Variants in SYNE1 observed in about 807,000 individuals in gnomAD.
The protein encoded by SYNE1 is spectrin repeat containing nuclear envelope protein 1.
In SYNE1, 616 loss-of-function variants were observed where a neutral mutation model predicts 1,111.0. The observed-to-expected ratio is 0.55, with a 90% CI of 0.52 to 0.59. SYNE1 has a LOEUF of 0.59. Among genes scored for constraint, SYNE1 ranks in the 20% least tolerant of loss-of-function variants. SYNE1 has a pLI of 0.00. For missense variants in SYNE1, 10,006 were observed against 10,417.0 expected (o/e 0.96, Z 1.72); for synonymous variants, 3,855 against 3,825.8 (o/e 1.01, Z -0.28).
chr6:152,372,026 T>C (rs2097200032), intron 59 of SYNE1, among the ~76,000 whole-genome samples: 1 of 152,062 alleles, frequency 6.6e-6, no homozygotes, highest in East Asian at 1.9e-4. Flanking sequence ...TAGATACCTA[T>C]TCTGAGGGGA....
chr6:152,233,913 C>G lies in SYNE1; in HGVS notation c.20580G>C (p.Leu6860=), dbSNP rs188203038. 15 of 1,614,170 alleles carry G rather than the reference C, an allele frequency of 9.3e-6. No homozygotes were observed. Among genetic ancestry groups the G allele is most frequent in the Non-Finnish European group, 1.3e-5 (15 of 1,180,028 alleles). The change falls in exon 112 of 146, where the codon CTG becomes CTC. Residue 6860 remains leucine (L), a synonymous_variant. Coordinates refer to ENST00000367255, the MANE Select transcript of SYNE1 (RefSeq NM_182961.4). ...DAQSSLKSSV[L]STGNQLLRLK... ...GTCGAAGGAGCTGATTTCCAGTACT[C>G]AGAACAGATGATTTCAGGGAAGATT...
At chr6:152,285,267 T>C (rs1177754466) in intron 95 of SYNE1, among the ~76,000 whole-genome samples, 1 of 152,104 alleles carries the variant, frequency 6.6e-6, no homozygotes, top group African/African-American at 2.4e-5. Context: ...CTCAAAAATA[T>C]ATCTTGTATA....
At chr6:152,481,356 A>C (rs562997283) in intron 14 of SYNE1, among the ~76,000 whole-genome samples, 1 of 152,318 alleles carries the variant, frequency 6.6e-6, no homozygotes, top group African/African-American at 2.4e-5. Context: ...CTATTTGCTG[A>C]ATTAACGTAT....
At chr6:152,155,847 G>T (rs1586404850) in intron 132 of SYNE1, 63 bp downstream of exon 132, 3 of 1,590,514 alleles carry the variant, frequency 1.9e-6, no homozygotes, top group African/African-American at 1.3e-5. Context: ...TGGATACTCT[G>T]GGTGATTTTT....
At chr6:152,376,278 G>A in intron 58 of SYNE1, 103 bp downstream of exon 58, 4 of 1,289,680 alleles carry the variant, frequency 3.1e-6, no homozygotes, top group Non-Finnish European at 4.5e-6. Context: ...ACAGGCCAGG[G>A]ACCTGTACCA....
intron 5 of SYNE1, among the ~76,000 whole-genome samples, chr6:152,523,692 T>G (rs2099151194): frequency 6.6e-6 from 1 of 152,174 alleles, no homozygotes; most frequent in South Asian, 2.1e-4. Flanking sequence ...GAGTATGAGA[T>G]GTGTTTCCAT....
chr6:152,288,077 T>C (rs1381173276), intron 95 of SYNE1, among the ~76,000 whole-genome samples: 1 of 152,144 alleles, frequency 6.6e-6, no homozygotes, highest in Admixed American at 6.5e-5. Flanking sequence ...CTATATTTGG[T>C]TTGATTTTAA....
chr6:152,255,806 A>G (rs2090668325), intron 102 of SYNE1, 60 bp from the exon 103 acceptor site: 1 of 1,590,704 alleles, frequency 6.3e-7, no homozygotes, highest in South Asian at 1.1e-5. Flanking sequence ...TCCAGGAAAA[A>G]TATCAGGATG....
intron 127 of SYNE1, among the ~76,000 whole-genome samples, chr6:152,192,415 T>A (rs2072750383): frequency 6.7e-6 from 1 of 150,116 alleles, no homozygotes; most frequent in Non-Finnish European, 1.5e-5. Context: ...TTGCTTTATA[T>A]ACCTGGATAC....
chr6:152,327,408 C>A (rs1205145016), intron 78 of SYNE1, among the ~76,000 whole-genome samples: 2 of 151,966 alleles, frequency 1.3e-5, no homozygotes, highest in Non-Finnish European at 2.9e-5. Context: ...GAAATAGTAA[C>A]CTGTGAGTCT....
chr6:152,594,810 C>A (rs575148287), intron 3 of SYNE1, among the ~76,000 whole-genome samples: 7 of 152,136 alleles, frequency 4.6e-5, no homozygotes, highest in African/African-American at 1.7e-4. Flanking sequence ...CTTTCATCCT[C>A]ATGATTTTAA....
intron 145 of SYNE1, among the ~76,000 whole-genome samples, chr6:152,129,954 G>C (rs1322402674): frequency 6.6e-6 from 1 of 152,206 alleles, no homozygotes; most frequent in Admixed American, 6.5e-5. Flanking sequence ...TGGAGGAGCA[G>C]AGGAGCACAG....
In SYNE1 at chr6:152,458,579, G is replaced by C. The variant is rs214962; in HGVS notation, c.2568+178C>G. Among the ~76,000 whole-genome samples, 79,649 of 152,018 alleles carry C rather than the reference G, an allele frequency of 0.52. 22,759 individuals carry two copies. The highest frequency in any genetic ancestry group is 0.76 in the East Asian group (3,916 of 5,168). On this transcript the variant is annotated intron_variant, in intron 22 of 145. Transcript: ENST00000367255. ...GAAACAAACAGCTCACATAGCCCCT[G>C]CACTGACAGTGAATGGATTTTCATC...
chr6:152,543,843 G>T (rs756774741), intron 3 of SYNE1, among the ~76,000 whole-genome samples: 2 of 152,164 alleles, frequency 1.3e-5, no homozygotes, highest in Non-Finnish European at 2.9e-5. Flanking sequence ...ACAGTCACAT[G>T]CTGTACAAGT....
intron 93 of SYNE1, among the ~76,000 whole-genome samples, chr6:152,295,216 T>G (rs191887609): frequency 1.8e-4 from 28 of 152,302 alleles, no homozygotes; most frequent in Non-Finnish European, 3.5e-4. Flanking sequence ...GGATTGAGGA[T>G]TATATGAAAT....
rs1474464194 is a variant in SYNE1 at position 152,362,312 on chromosome 6, C to G, written c.10157G>C (p.Gly3386Ala). The G allele has an allele frequency of 6.2e-7, 1 of 1,614,074 alleles. No individual in the cohort carries two copies. The highest frequency in any genetic ancestry group is 8.5e-7 in the Non-Finnish European group (1 of 1,180,038). Reference protein sequence around the residue: ...AGIRCKSQLEGALSKWTSYQD... With the variant: ...AGIRCKSQLEAALSKWTSYQD... ...ATAACTTGTCCACTTGGAGAGAGCTCCTTCGAGTTGGCTGAAAGGGATTTG... is the reference window on the plus strand; with the variant it reads ...ATAACTTGTCCACTTGGAGAGAGCTGCTTCGAGTTGGCTGAAAGGGATTTG... The change falls in exon 64 of 146, where the codon GGA becomes GCA. Residue 3386 changes from glycine (G) to alanine (A), a missense_variant. Physicochemically the swap from Gly to Ala is moderately conservative, Grantham distance 60. Around this residue, in one of 7 missense-constraint regions of SYNE1, gnomAD observed 4,955 missense variants for 5,017.2 expected, o/e 0.99. Coordinates refer to ENST00000367255, the MANE Select transcript of SYNE1 (RefSeq NM_182961.4).
Position 152,535,354 on chromosome 6 carries a change from T to C in SYNE1, c.129+4606A>G, listed in dbSNP as rs78527501. On this transcript the variant is annotated intron_variant, in intron 4 of 145. Coordinates refer to ENST00000367255, the MANE Select transcript of SYNE1 (RefSeq NM_182961.4). The stretch of plus-strand genomic sequence containing the variant: ...TTTATAAATTTTTTTTCTGCAGTTT[T>C]TCTGAAAAGTGAGAAGATGCTCATA... Among the ~76,000 whole-genome samples the C allele has an allele frequency of 3.2e-3, 485 of 152,320 alleles. 1 individual carries two copies. The highest frequency in any genetic ancestry group is 5.5e-3 in the Non-Finnish European group (373 of 68,024).
intron 3 of SYNE1, among the ~76,000 whole-genome samples, chr6:152,618,751 T>C (rs1631293): frequency 0.64 from 97,633 of 151,972 alleles, 31,573 homozygotes; most frequent in Non-Finnish European, 0.69. Context: ...TAATTCAAAA[T>C]TGTACATGGA....
chr6:152,533,072 C>G (rs1347273666), intron 4 of SYNE1, among the ~76,000 whole-genome samples: 1 of 152,160 alleles, frequency 6.6e-6, no homozygotes, highest in Non-Finnish European at 1.5e-5. Context: ...TAATGTCCAA[C>G]AGGTTTTGTC....
Sources: gnomAD v4.1 joint callset for allele counts (sites outside exome capture counted in the v4.1 genomes callset) on GRCh38, gnomAD v4.1.1 for gene constraint, gnomAD v4.1.1 regional missense constraint, MANE v1.5 for transcripts, NCBI Gene and HGNC (gene_info 2026-07-23, HGNC 2026-07-21) for gene names.